PAK3: variants seen among roughly 807,000 people sequenced by gnomAD.
PAK3 encodes p21 (RAC1) activated kinase 3.
A neutral mutation model predicts 41.0 loss-of-function variants in PAK3; 4 were observed. The ratio of observed to expected loss-of-function variants is 0.10; its 90% CI spans 0.05 to 0.22. PAK3 has a LOEUF of 0.22. Among genes scored for constraint, PAK3 ranks in the 10% least tolerant of loss-of-function variants. The pLI, the probability that PAK3 is intolerant of heterozygous loss-of-function variation, is 1.00. For missense variants in PAK3, 205 were observed against 409.9 expected (o/e 0.50, Z 4.32); for synonymous variants, 146 against 139.6 (o/e 1.05, Z -0.32).
At chrX:111,145,373 C>G in intron 6 of PAK3, among the ~76,000 whole-genome samples, 1 of 111,958 alleles carries the variant, frequency 8.9e-6, no homozygotes, top group East Asian at 2.8e-4. Flanking sequence ...CTATTTATCA[C>G]AAAAGTTTAG....
intron 1 of PAK3, among the ~76,000 whole-genome samples, chrX:110,969,582 T>C (rs1165400549): frequency 9.2e-6 from 1 of 108,797 alleles, no homozygotes; most frequent in Admixed American, 9.9e-5. Flanking sequence ...ATTACAGGCA[T>C]GAACCACTGC....
chrX:110,996,085 T>C lies in PAK3; in HGVS notation c.-28+51457T>C, dbSNP rs145550735. 2.3e-3 allele frequency among the ~76,000 whole-genome samples: 253 copies of C among 111,820 alleles called. 1 individual carries two copies. Among genetic ancestry groups the C allele is most frequent in the Non-Finnish European group, 2.9e-3 (153 of 53,152 alleles). On this transcript the variant is annotated intron_variant, in intron 1 of 14. Transcript: ENST00000425146. ...CAGAGAGCATTAAAAAACAAAACAA[T>C]GGCCAGGCCTCTTCTAGATGAAGTA... is the stretch of plus-strand genomic sequence containing the variant.
chrX:111,195,594 A>G (rs1206112106), intron 14 of PAK3, among the ~76,000 whole-genome samples: 1 of 111,897 alleles, frequency 8.9e-6, no homozygotes, highest in Non-Finnish European at 1.9e-5. Flanking sequence ...GATTGGTGCT[A>G]TTTATCACAT....
intron 6 of PAK3, among the ~76,000 whole-genome samples, chrX:111,147,482 C>A (rs2093963063): frequency 9.4e-6 from 1 of 106,927 alleles, no homozygotes. Context: ...TTTTCATGCG[C>A]TTTTTTTTTT....
intron 1 of PAK3, among the ~76,000 whole-genome samples, chrX:110,991,545 C>G (rs970200501): frequency 4.5e-5 from 5 of 111,376 alleles, no homozygotes; most frequent in Admixed American, 1.9e-4. Context: ...TGAGTTAATC[C>G]AAGTAAAGTA....
chrX:111,066,335 T>C (rs747981490), intron 1 of PAK3, among the ~76,000 whole-genome samples: 1 of 112,362 alleles, frequency 8.9e-6, no homozygotes, highest in Admixed American at 9.4e-5. Flanking sequence ...AAGCAAGCTG[T>C]TTAATTTTCA....
At chrX:110,992,206 G>A (rs1459909552) in intron 1 of PAK3, among the ~76,000 whole-genome samples, 1 of 110,997 alleles carries the variant, frequency 9.0e-6, no homozygotes, top group African/African-American at 3.3e-5. Flanking sequence ...ATTGGGAGCA[G>A]AGAGAACAGG....
chrX:111,181,752 G>A (rs1266232123), intron 11 of PAK3, among the ~76,000 whole-genome samples: 1 of 102,750 alleles, frequency 9.7e-6, no homozygotes, highest in East Asian at 3.0e-4. Context: ...TTTTTTTTTG[G>A]TTGTTCAGGA....
chrX:111,207,876 C>A (rs1410851783), intron 16 of PAK3, among the ~76,000 whole-genome samples: 1 of 112,221 alleles, frequency 8.9e-6, no homozygotes, highest in Non-Finnish European at 1.9e-5. Flanking sequence ...CTCACTGCAA[C>A]CTCCAACCCC....
intron 11 of PAK3, among the ~76,000 whole-genome samples, chrX:111,186,701 C>T (rs1247827507): frequency 9.0e-6 from 1 of 111,552 alleles, no homozygotes; most frequent in Admixed American, 9.5e-5. Flanking sequence ...TGAAAATGCC[C>T]ATACTGCCCA....
chrX:111,133,443 A>G (rs1379710269), intron 5 of PAK3, among the ~76,000 whole-genome samples: 1 of 111,896 alleles, frequency 8.9e-6, no homozygotes, highest in Non-Finnish European at 1.9e-5. Flanking sequence ...CCAACTTAGC[A>G]CCTAATTTTC....
intron 10 of PAK3, among the ~76,000 whole-genome samples, chrX:111,166,751 A>G (rs1486174071): frequency 1.8e-5 from 2 of 111,860 alleles, no homozygotes; most frequent in African/African-American, 6.5e-5. Context: ...CTGGGCCTCC[A>G]TTTTCTCATC....
intron 4 of PAK3, among the ~76,000 whole-genome samples, chrX:111,108,909 A>C (rs1437892941): frequency 8.9e-6 from 1 of 112,131 alleles, no homozygotes; most frequent in Non-Finnish European, 1.9e-5. Context: ...CAAACCCATC[A>C]TGCATTTATA....
At chrX:111,020,630 C>T (rs1317329146) in intron 1 of PAK3, among the ~76,000 whole-genome samples, 2 of 111,373 alleles carry the variant, frequency 1.8e-5, no homozygotes, top group Non-Finnish European at 3.8e-5. Flanking sequence ...CAGGAACATA[C>T]CAGGGAAGCC....
At chrX:111,209,284 GCAAGTTCTTCTTAT>G (rs1158391085) in intron 16 of PAK3, among the ~76,000 whole-genome samples, 2 of 111,582 alleles carry the variant, frequency 1.8e-5, no homozygotes, top group Admixed American at 1.9e-4. Context: ...GTGACATTGG[GCAAGTTCTTCTTAT>G]CTCCACAAGC....
At chrX:110,952,335 G>T (rs1465570677) in intron 1 of PAK3, among the ~76,000 whole-genome samples, 1 of 111,407 alleles carries the variant, frequency 9.0e-6, no homozygotes, top group East Asian at 2.8e-4. Flanking sequence ...AGGTGGCAGG[G>T]CAATGGGGAA....
At chrX:111,210,121 GT>G (rs1434767516) in intron 16 of PAK3, among the ~76,000 whole-genome samples, 1 of 111,354 alleles carries the variant, frequency 9.0e-6, no homozygotes, top group Non-Finnish European at 1.9e-5. Context: ...GAAAGCCACC[GT>G]TTTTCTGGCC....
intron 11 of PAK3, among the ~76,000 whole-genome samples, chrX:111,177,876 A>C (rs2094422946): frequency 8.9e-6 from 1 of 111,944 alleles, no homozygotes; most frequent in Admixed American, 9.5e-5. Context: ...ATGAGAATGC[A>C]CTGAAAAACA....
At chrX:111,006,313 T>C (rs2091922864) in intron 1 of PAK3, among the ~76,000 whole-genome samples, 1 of 111,828 alleles carries the variant, frequency 8.9e-6, no homozygotes, top group South Asian at 3.8e-4. Context: ...GGTGCTGTGA[T>C]TACGTAAGAG....
Sources: gnomAD v4.1 joint callset for allele counts (sites outside exome capture counted in the v4.1 genomes callset) on GRCh38, gnomAD v4.1.1 for gene constraint, MANE v1.5 for transcripts, NCBI Gene and HGNC (gene_info 2026-07-23, HGNC 2026-07-21) for gene names.